PINX1: variants seen among roughly 807,000 people sequenced by gnomAD.
The protein encoded by PINX1 is PIN2/TERF1-interacting telomerase inhibitor 1.
Under a neutral mutation model 25.4 loss-of-function variants are expected in PINX1, and 34 were observed. The ratio of observed to expected loss-of-function variants is 1.34; its 90% CI spans 1.02 to 1.78. PINX1 has a LOEUF of 1.78. Among genes scored for constraint, PINX1 ranks in the 40% most tolerant of loss-of-function variants. The pLI is 0.00. For synonymous variants in PINX1, 197 were observed against 147.7 expected, an observed-to-expected ratio of 1.33 and a Z score of -2.42; for missense variants, 592 against 404.9, an observed-to-expected ratio of 1.46 and a Z score of -3.97.
At chr8:10,822,839 G>C (rs1332945829) in intron 5 of PINX1, among the ~76,000 whole-genome samples, 3 of 152,164 alleles carry the variant, frequency 2.0e-5, no homozygotes, top group African/African-American at 7.2e-5. Flanking sequence ...GAAGGGCAAG[G>C]AATATGTTTG....
intron 6 of PINX1, among the ~76,000 whole-genome samples, chr8:10,779,679 T>G (rs540437226): frequency 3.2e-4 from 49 of 152,354 alleles, no homozygotes; most frequent in Non-Finnish European, 6.6e-4. Flanking sequence ...CCAGGAAACT[T>G]ACTGTCGGGA....
chr8:10,801,401 C>T (rs1186831573), intron 6 of PINX1, among the ~76,000 whole-genome samples: 2 of 152,206 alleles, frequency 1.3e-5, no homozygotes, highest in Admixed American at 6.5e-5. Context: ...TCAATCCATA[C>T]AATTTCATCA....
chr8:10,792,902 C>T (rs1467381727), intron 6 of PINX1, among the ~76,000 whole-genome samples: 1 of 152,066 alleles, frequency 6.6e-6, no homozygotes, highest in African/African-American at 2.4e-5. Context: ...TGAGATGCCC[C>T]CTTACCTCTC....
Position 10,839,868 on chromosome 8 carries a change from CA to C in PINX1, c.-113del. On this transcript the variant is annotated 5_prime_UTR_variant, in exon 1 of 7. Coordinates refer to ENST00000314787, the MANE Select transcript of PINX1 (RefSeq NM_017884.6). The stretch of plus-strand genomic sequence containing the variant: ...GCGTAACTCCCTCGCCGGCGGACTG[CA>C]GCGGACGGGGCGCGTGCTGGTGACG... 1 of 1,069,874 alleles carries C rather than the reference CA, an allele frequency of 9.3e-7. No homozygotes were observed. Among genetic ancestry groups the C allele is most frequent in the African/African-American group, 1.6e-5 (1 of 61,676 alleles). 66.3% of individuals were successfully genotyped at this position (1,069,874 alleles called of 1,614,324 possible). A position where few individuals can be genotyped will look rare whatever the true frequency, so the allele number is the denominator to read the frequency against.
chr8:10,786,299 C>T (rs1382296442), intron 6 of PINX1, among the ~76,000 whole-genome samples: 1 of 152,154 alleles, frequency 6.6e-6, no homozygotes, highest in Non-Finnish European at 1.5e-5. Flanking sequence ...GAAGCCAATA[C>T]AAAAGTGAAG....
intron 6 of PINX1, among the ~76,000 whole-genome samples, chr8:10,796,079 G>C (rs1802075245): frequency 6.6e-6 from 1 of 152,188 alleles, no homozygotes; most frequent in South Asian, 2.1e-4. Flanking sequence ...TTAGAGATTT[G>C]GAGAACCAGT....
chr8:10,832,095 C>G (rs555205905), intron 3 of PINX1, among the ~76,000 whole-genome samples: 1 of 151,960 alleles, frequency 6.6e-6, no homozygotes, highest in Non-Finnish European at 1.5e-5. Flanking sequence ...AGGGGAAATT[C>G]CATAGTTGAA....
intron 6 of PINX1, among the ~76,000 whole-genome samples, chr8:10,800,099 G>A (rs577884807): frequency 6.6e-6 from 1 of 152,252 alleles, no homozygotes; most frequent in South Asian, 2.1e-4. Flanking sequence ...CTTTAGGATT[G>A]TTTTCCTTCT....
intron 6 of PINX1, among the ~76,000 whole-genome samples, chr8:10,770,471 C>A (rs1266578500): frequency 6.6e-6 from 1 of 152,210 alleles, no homozygotes; most frequent in African/African-American, 2.4e-5. Context: ...TGTATCAACT[C>A]TTCTCGGATG....
chr8:10,826,351 AT>A, intron 4 of PINX1, 107 bp from the exon 5 acceptor site: 1 of 594,672 alleles, frequency 1.7e-6, no homozygotes, highest in Non-Finnish European at 2.9e-6. Flanking sequence ...CCTATCATTA[AT>A]GATTGAACTC....
intron 6 of PINX1, among the ~76,000 whole-genome samples, chr8:10,800,440 GT>G (rs1247857023): frequency 6.6e-6 from 1 of 150,980 alleles, no homozygotes; most frequent in African/African-American, 2.4e-5. Context: ...ATAGAATGGA[GT>G]TTATTTACAT....
At chr8:10,827,811 T>G (rs1401574588) in intron 4 of PINX1, among the ~76,000 whole-genome samples, 1 of 148,410 alleles carries the variant, frequency 6.7e-6, no homozygotes, top group Non-Finnish European at 1.5e-5. Context: ...CTCAGGAGGC[T>G]GAGGCAGGAG....
chr8:10,783,468 C>T (rs929123314), intron 6 of PINX1, among the ~76,000 whole-genome samples: 2 of 152,134 alleles, frequency 1.3e-5, no homozygotes, highest in African/African-American at 2.4e-5. Context: ...TTTTTTCTCT[C>T]TGGAAAGCCT....
chr8:10,794,164 G>T (rs541423695), intron 6 of PINX1, among the ~76,000 whole-genome samples: 2 of 152,252 alleles, frequency 1.3e-5, no homozygotes, highest in East Asian at 3.9e-4. Context: ...TGGCAGTGAA[G>T]GGGTATTTTT....
chr8:10,832,988 T>C lies in PINX1; in HGVS notation c.130-4A>G, dbSNP rs764909719. On this transcript the variant is annotated splice_region_variant and splice_polypyrimidine_tract_variant and intron_variant, in intron 2 of 6. Transcript: ENST00000314787. ...CTTGCTCCTGAGCCCCTAAACCCTGTGGAGATTAAACACAGAGAGTTAGAA... is the reference window on the plus strand; with the variant it reads ...CTTGCTCCTGAGCCCCTAAACCCTGCGGAGATTAAACACAGAGAGTTAGAA... 2 of 1,591,796 alleles carry C rather than the reference T, an allele frequency of 1.3e-6. No individual in the cohort carries two copies. Among genetic ancestry groups the C allele is most frequent in the Admixed American group, 1.7e-5 (1 of 59,030 alleles).
At chr8:10,779,128 T>C (rs1801504460) in intron 6 of PINX1, among the ~76,000 whole-genome samples, 1 of 152,214 alleles carries the variant, frequency 6.6e-6, no homozygotes, top group African/African-American at 2.4e-5. Context: ...ATTTTCTTTG[T>C]TTACTTTTAA....
intron 6 of PINX1, among the ~76,000 whole-genome samples, chr8:10,819,466 C>A (rs1797799829): frequency 6.6e-6 from 1 of 152,146 alleles, no homozygotes; most frequent in Non-Finnish European, 1.5e-5. Context: ...TCAGACAATG[C>A]CAGTTCTAAA....
intron 6 of PINX1, among the ~76,000 whole-genome samples, chr8:10,778,323 T>A (rs374542292): frequency 2.6e-5 from 4 of 152,230 alleles, no homozygotes; most frequent in South Asian, 4.2e-4. Flanking sequence ...AATATAAATA[T>A]GCTAAATTGA....
chr8:10,785,411 A>G (rs1450160574), intron 6 of PINX1, among the ~76,000 whole-genome samples: 1 of 152,340 alleles, frequency 6.6e-6, no homozygotes, highest in African/African-American at 2.4e-5. Flanking sequence ...TTCGGTGATA[A>G]ATTATCCAAA....
Sources: allele counts gnomAD v4.1 joint callset (sites outside exome capture counted in the v4.1 genomes callset), GRCh38; gene constraint gnomAD v4.1.1; transcripts MANE v1.5; gene names NCBI Gene and HGNC (gene_info 2026-07-23, HGNC 2026-07-21).